The following CCZ1B variants were observed in gnomAD, a reference collection of about 807,000 sequenced individuals.
CCZ1B encodes CCZ1B vacuolar protein trafficking and biogenesis associated.
A neutral mutation model predicts 58.8 loss-of-function variants in CCZ1B; 25 were observed. The observed-to-expected ratio is 0.43, with a 90% CI of 0.31 to 0.59. CCZ1B has a LOEUF of 0.59. CCZ1B is among the 20% of genes least tolerant of loss of function. CCZ1B has a pLI of 0.12. For synonymous variants in CCZ1B, 66 were observed against 173.2 expected (o/e 0.38, Z 4.86); for missense variants, 180 against 501.5 (o/e 0.36, Z 6.12).
intron 9 of CCZ1B, among the ~76,000 whole-genome samples, chr7:6,812,766 T>A (rs1782938373): frequency 6.7e-6 from 1 of 149,982 alleles, no homozygotes; most frequent in South Asian, 2.1e-4. Flanking sequence ...CTACTAAAAA[T>A]ACAAAATGAA....
chr7:6,819,322 GC>G lies in CCZ1B; in HGVS notation c.698+443del, dbSNP rs1460724496. 3.4e-5 allele frequency among the ~76,000 whole-genome samples: 5 copies of G among 145,846 alleles called. No individual in the cohort carries two copies. The South Asian group carries it at 1.1e-3, about 32-fold the overall frequency. ...GCCATCTCGGCTCACTGCAACCTCC[GC>G]CTCCCGGGTTCAAGTGATTCTCCTG... On this transcript the variant is annotated intron_variant, in intron 7 of 14. Transcript: ENST00000316731.
At chr7:6,813,871 A>T (rs1782956517) in intron 8 of CCZ1B, among the ~76,000 whole-genome samples, 1 of 148,850 alleles carries the variant, frequency 6.7e-6, no homozygotes, top group Admixed American at 6.7e-5. Flanking sequence ...TTTGGCCAGG[A>T]GCAGTAGCTC....
chr7:6,808,394 AAAAACAAAAAAC>A (rs1782865753), intron 10 of CCZ1B, among the ~76,000 whole-genome samples: 3 of 73,200 alleles, frequency 4.1e-5, no homozygotes, highest in South Asian at 1.1e-3. Context: ...CAAAAAAAAA[AAAAACAAAAAAC>A]AAAACAAAAA....
intron 10 of CCZ1B, among the ~76,000 whole-genome samples, chr7:6,809,776 G>A (rs1482572544): frequency 7.0e-6 from 1 of 142,396 alleles, no homozygotes; most frequent in Non-Finnish European, 1.5e-5. Context: ...GAACCCTAGA[G>A]CCCTCCCTCC....
chr7:6,814,093 C>G (rs901857881), intron 8 of CCZ1B, among the ~76,000 whole-genome samples: 1 of 148,756 alleles, frequency 6.7e-6, no homozygotes, highest in Non-Finnish European at 1.5e-5. Context: ...TTGCAGTGAG[C>G]TGAGATTAAA....
rs1389979900 is a variant in CCZ1B at position 6,821,289 on chromosome 7, C to T, written c.522+992G>A. 5.3e-5 allele frequency among the ~76,000 whole-genome samples: 8 copies of T among 150,032 alleles called. 1 individual carries two copies. The highest frequency in any genetic ancestry group is 2.0e-4 in the African/African-American group (8 of 40,066). ...CCTCCCAAAGTGCTGGGATTACAGG[C>T]GTAAGCCACCACACCCAGCCAAGAG... is the stretch of plus-strand genomic sequence containing the variant. On this transcript the variant is annotated intron_variant, in intron 6 of 14. Transcript: ENST00000316731.
intron 12 of CCZ1B, among the ~76,000 whole-genome samples, chr7:6,804,386 GCA>G (rs1782806616): frequency 7.8e-6 from 1 of 128,820 alleles, no homozygotes. Context: ...TCAAGCCACT[GCA>G]CACTCCAGCC....
In CCZ1B at chr7:6,801,465, TCTC is replaced by T. The variant is rs1179602338; in HGVS notation, c.1162_1164del (p.Glu388del). 4.7e-6 allele frequency: 1 copy of T among 210,642 alleles called. No homozygotes were observed. The highest frequency in any genetic ancestry group is 7.1e-6 in the Non-Finnish European group (1 of 140,266). The allele number at this position is 210,642 out of a possible 1,614,324, so 13.0% of individuals were successfully genotyped here. Reference sequence around the variant, plus strand: ...GTTTTCCTCATGTGAACTGTGCTCTTCTCGGCGAGATTCATGTGGTTGAAGTAG... The same window carrying T: ...GTTTTCCTCATGTGAACTGTGCTCTTGGCGAGATTCATGTGGTTGAAGTAG... On this transcript the variant is annotated inframe_deletion, in exon 13 of 15. Transcript: ENST00000316731.
rs1181615237 is a variant in CCZ1B at position 6,817,534 on chromosome 7, T to A, written c.698+2232A>T. ...CTGCGTGTGATTTGCAAGCACGTCCTGTCATTTCCATCTGTGGAGGAGCCA... is the reference window on the plus strand; with the variant it reads ...CTGCGTGTGATTTGCAAGCACGTCCAGTCATTTCCATCTGTGGAGGAGCCA... On this transcript the variant is annotated intron_variant, in intron 7 of 14. Transcript: ENST00000316731. 3.3e-5 allele frequency among the ~76,000 whole-genome samples: 5 copies of A among 149,784 alleles called. No individual in the cohort carries two copies. In the East Asian group the frequency reaches 9.6e-4, roughly 29 times the overall value.
Position 6,814,764 on chromosome 7 carries a change from C to G in CCZ1B, c.780G>C (p.Glu260Asp), listed in dbSNP as rs1782972267. Residue 260 changes from glutamate to aspartate, a missense_variant and splice_region_variant, in exon 8 of 15, where the codon GAG becomes GAC. By Grantham distance (45) the Glu-to-Asp change is conservative. Transcript: ENST00000316731. ...TSLFPRHIEP[E>D]LAGRDSPIRA... ...TGTGCAGCTATGGTACCCATCATAC[C>G]TCAGGTTCGATGTGCCTTGGGAAAA... The G allele has an allele frequency of 6.2e-7, 1 of 1,606,156 alleles. No individual in the cohort carries two copies. Among genetic ancestry groups the G allele is most frequent in the Admixed American group, 1.7e-5 (1 of 59,430 alleles).
At chr7:6,818,829 G>C (rs566390626) in intron 7 of CCZ1B, among the ~76,000 whole-genome samples, 3 of 148,944 alleles carry the variant, frequency 2.0e-5, no homozygotes, top group Admixed American at 1.3e-4. Flanking sequence ...TAGGCCAAAT[G>C]TGCACAACCT....
In CCZ1B at chr7:6,819,782, T is replaced by G; in HGVS notation, c.682A>C (p.Asn228His). The change falls in exon 7 of 15, where the codon AAC becomes CAC. Residue 228 changes from asparagine (N) to histidine (H), a missense_variant. By Grantham distance (68) the Asn-to-His change is moderately conservative (BLOSUM62 1). Coordinates refer to ENST00000316731, the MANE Select transcript of CCZ1B (RefSeq NM_198097.5). ...NIVKYTAFLY[N>H]DQLIWSGLEQ... ...TGTACCTACCAGATGAGCTGATCGT[T>G]ATAGAGAAAAGCAGTGTATTTGACT... 6.5e-7 allele frequency: 1 copy of G among 1,538,922 alleles called. No homozygotes were observed. The highest frequency in any genetic ancestry group is 8.9e-7 in the Non-Finnish European group (1 of 1,126,276).
At chr7:6,804,102 C>A (rs1428666549) in intron 12 of CCZ1B, among the ~76,000 whole-genome samples, 3 of 151,180 alleles carry the variant, frequency 2.0e-5, no homozygotes, top group Non-Finnish European at 2.9e-5. Flanking sequence ...GCCTCACTTT[C>A]ACTTTATAAT....
rs551120326 is a variant in CCZ1B at position 6,811,633 on chromosome 7, C to T, written c.954+319G>A. Reference sequence around the variant, plus strand: ...CAGCATATGCACAGACACGTGGCTACGGCCCCCATCCAGAGCCATTTCGAG... The same window carrying T: ...CAGCATATGCACAGACACGTGGCTATGGCCCCCATCCAGAGCCATTTCGAG... On this transcript the variant is annotated intron_variant, in intron 10 of 14. Coordinates refer to ENST00000316731, the MANE Select transcript of CCZ1B (RefSeq NM_198097.5). 1,868 of 311,470 alleles carry T rather than the reference C, an allele frequency of 6.0e-3. 26 individuals carry two copies. Among genetic ancestry groups the T allele is most frequent in the African/African-American group, 0.041 (1,735 of 42,714 alleles). 19.3% of individuals were successfully genotyped at this position (311,470 alleles called of 1,614,324 possible). A position where few individuals can be genotyped will look rare whatever the true frequency, so the allele number is the denominator to read the frequency against.
At chr7:6,804,000 T>C (rs1782799096) in intron 12 of CCZ1B, among the ~76,000 whole-genome samples, 1 of 148,078 alleles carries the variant, frequency 6.8e-6, no homozygotes, top group Non-Finnish European at 1.5e-5. Context: ...ACCATGAGCG[T>C]ATGCAGAAAT....
chr7:6,818,604 AAAGAAAGAAAGAC>A (rs1783049520), intron 7 of CCZ1B, among the ~76,000 whole-genome samples: 1 of 128,898 alleles, frequency 7.8e-6, no homozygotes. Flanking sequence ...AGAAAGAAAG[AAAGAAAGAAAGAC>A]AAGAAAGAAA....
At chr7:6,825,049 C>T (rs1252915657) in intron 1 of CCZ1B, among the ~76,000 whole-genome samples, 4 of 150,156 alleles carry the variant, frequency 2.7e-5, no homozygotes, top group Admixed American at 6.6e-5. Context: ...AAGGCAATTT[C>T]GATAGTCAAG....
chr7:6,809,958 C>T (rs1221953402), intron 10 of CCZ1B, among the ~76,000 whole-genome samples: 2 of 147,502 alleles, frequency 1.4e-5, no homozygotes, highest in African/African-American at 2.5e-5. Flanking sequence ...CTGTGTAACA[C>T]CCTCAGGAAG....
chr7:6,820,676 C>A (rs1208190735), intron 6 of CCZ1B, among the ~76,000 whole-genome samples: 1 of 148,658 alleles, frequency 6.7e-6, no homozygotes, highest in Non-Finnish European at 1.5e-5. Flanking sequence ...AATCCCAGCC[C>A]TTTGGGAGGC....
Sources: allele counts gnomAD v4.1 joint callset (sites outside exome capture counted in the v4.1 genomes callset), GRCh38; gene constraint gnomAD v4.1.1; transcripts MANE v1.5; gene names NCBI Gene and HGNC (gene_info 2026-07-23, HGNC 2026-07-21).